DLGAP2: variants seen among roughly 807,000 people sequenced by gnomAD.
DLGAP2 encodes DLG associated protein 2, also known as disks large-associated protein 2.
In DLGAP2, 26 loss-of-function variants were observed where a neutral mutation model predicts 100.3. The ratio of observed to expected loss-of-function variants is 0.26; its 90% CI spans 0.19 to 0.36. The LOEUF is 0.36. DLGAP2 is among the 10% of genes least tolerant of loss of function. The pLI is 1.00. For synonymous variants in DLGAP2, 886 were observed against 630.1 expected (o/e 1.41, Z -6.08); for missense variants, 1,858 against 1,453.2 (o/e 1.28, Z -4.53).
chr8:1,699,565 G>A (rs1799510766), intron 14 of DLGAP2, among the ~76,000 whole-genome samples: 1 of 151,996 alleles, frequency 6.6e-6, no homozygotes, highest in South Asian at 2.1e-4. Flanking sequence ...AGTGAGCCAA[G>A]ATCGTGCCAC....
intron 6 of DLGAP2, among the ~76,000 whole-genome samples, chr8:1,614,019 G>A (rs918511975): frequency 1.3e-5 from 2 of 152,176 alleles, no homozygotes; most frequent in South Asian, 2.1e-4. Context: ...CAGACTCGGC[G>A]GGGTTTTCAG....
In DLGAP2 at chr8:814,691, CA is replaced by C. The variant is rs879636608; in HGVS notation, c.18+76878del. 7.0e-3 allele frequency among the ~76,000 whole-genome samples: 980 copies of C among 140,158 alleles called. 6 individuals are homozygous for C. The highest frequency in any genetic ancestry group is 0.022 in the African/African-American group (831 of 38,458). The allele number at this position is 140,158 out of a possible 152,430, so 91.9% of individuals were successfully genotyped here. A position where few individuals can be genotyped will look rare whatever the true frequency, so the allele number is the denominator to read the frequency against. ...TGAAACCCCGTCTCTACTAAAAATA[CA>C]AAAAAAAAAAATTAGCTGGGCGTGG... On this transcript the variant is annotated intron_variant, in intron 1 of 14. Transcript: ENST00000637795.
chr8:760,130 C>T (rs909445528), intron 1 of DLGAP2, among the ~76,000 whole-genome samples: 2 of 152,166 alleles, frequency 1.3e-5, no homozygotes, highest in Non-Finnish European at 2.9e-5. Flanking sequence ...CTTTCTTGTC[C>T]TTCCTGGAAT....
intron 1 of DLGAP2, among the ~76,000 whole-genome samples, chr8:892,784 GCAA>G (rs1288634050): frequency 6.6e-6 from 1 of 152,196 alleles, no homozygotes; most frequent in Non-Finnish European, 1.5e-5. Flanking sequence ...AGCAGTAGCA[GCAA>G]CATCTCAGGT....
chr8:1,302,841 G>A (rs1197747275), intron 3 of DLGAP2, among the ~76,000 whole-genome samples: 1 of 152,264 alleles, frequency 6.6e-6, no homozygotes, highest in Non-Finnish European at 1.5e-5. Flanking sequence ...GGCGCCGCTG[G>A]AGTCGATTCT....
At chr8:1,515,024 G>C (rs747328551) in intron 4 of DLGAP2, among the ~76,000 whole-genome samples, 1 of 151,508 alleles carries the variant, frequency 6.6e-6, no homozygotes, top group East Asian at 1.9e-4. Flanking sequence ...GAGGGAGACC[G>C]ACGTGCAGGG....
Position 1,543,808 on chromosome 8 carries a change from A to G in DLGAP2, c.173-4818A>G, listed in dbSNP as rs76390115. Among the ~76,000 whole-genome samples, 1,517 of 152,326 alleles carry G rather than the reference A, an allele frequency of 1.0e-2. 27 individuals are homozygous for G. The highest frequency in any genetic ancestry group is 0.035 in the African/African-American group (1,456 of 41,582). On this transcript the variant is annotated intron_variant, in intron 4 of 14. Transcript: ENST00000637795. The stretch of plus-strand genomic sequence containing the variant: ...TAACCATTAAGTCTGCCAATCTATG[A>G]ACATAGGATGTCTTTTCATTTACGT...
chr8:752,296 G>A (rs1820811902), intron 1 of DLGAP2, among the ~76,000 whole-genome samples: 1 of 152,234 alleles, frequency 6.6e-6, no homozygotes, highest in South Asian at 2.1e-4. Context: ...GCTACCACCA[G>A]TGGGCGCAGA....
At chr8:1,629,137 T>C (rs1797583049) in intron 7 of DLGAP2, among the ~76,000 whole-genome samples, 1 of 152,224 alleles carries the variant, frequency 6.6e-6, no homozygotes, top group Admixed American at 6.5e-5. Flanking sequence ...TTTAAATTCC[T>C]CATGAGGTAG....
chr8:1,491,722 C>T (rs761217236), intron 3 of DLGAP2, among the ~76,000 whole-genome samples: 4 of 152,188 alleles, frequency 2.6e-5, no homozygotes, highest in African/African-American at 9.7e-5. Context: ...CAGGCAGATA[C>T]GATTTCCTCT....
chr8:1,125,099 T>C (rs942640396), intron 2 of DLGAP2, among the ~76,000 whole-genome samples: 13 of 152,216 alleles, frequency 8.5e-5, no homozygotes, highest in Non-Finnish European at 1.5e-4. Flanking sequence ...GACCTCTGCC[T>C]TCTCTGGCAG....
At chr8:1,061,397 C>G (rs1227403819) in intron 2 of DLGAP2, among the ~76,000 whole-genome samples, 2 of 152,152 alleles carry the variant, frequency 1.3e-5, no homozygotes, top group Non-Finnish European at 2.9e-5. Context: ...TGAGTCCCAG[C>G]TCATCGGCTC....
chr8:845,760 T>C (rs1347446592), intron 1 of DLGAP2, among the ~76,000 whole-genome samples: 1 of 152,264 alleles, frequency 6.6e-6, no homozygotes, highest in Non-Finnish European at 1.5e-5. Context: ...AGATTTATGC[T>C]GTTTTCTTTT....
At chr8:1,152,343 G>C (rs755398352) in intron 2 of DLGAP2, among the ~76,000 whole-genome samples, 1 of 152,076 alleles carries the variant, frequency 6.6e-6, no homozygotes, top group Non-Finnish European at 1.5e-5. Flanking sequence ...TAAATTTCCC[G>C]CTAGAACTAC....
intron 2 of DLGAP2, among the ~76,000 whole-genome samples, chr8:913,508 C>T (rs1290158900): frequency 2.0e-5 from 3 of 152,178 alleles, no homozygotes; most frequent in East Asian, 1.9e-4. Context: ...AGTGTCACAC[C>T]TCTGTGGCAT....
At position 1,549,085 on chromosome 8, in the gene DLGAP2, A is replaced by C. The variant is rs1338266941; in HGVS notation, c.632A>C (p.Gln211Pro). The C allele has an allele frequency of 1.0e-5, 16 of 1,587,218 alleles. No homozygotes were observed. In the East Asian group the frequency reaches 3.7e-4, roughly 36 times the overall value. The change falls in exon 5 of 15, where the codon CAG (glutamine) becomes CCG (proline). Residue 211 changes from glutamine to proline, a missense_variant. Physicochemically the swap from Gln to Pro is moderately conservative, Grantham distance 76 (BLOSUM62 -1). Transcript: ENST00000637795. Reference protein sequence around the residue: ...PLHRDGFHTLQYQRTSAAAEQ... With the variant: ...PLHRDGFHTLPYQRTSAAAEQ... ...CACCGGGACGGCTTCCACACGCTGC[A>C]GTACCAGAGGACGTCCGCGGCCGCC...
intron 2 of DLGAP2, among the ~76,000 whole-genome samples, chr8:1,212,506 A>G (rs1798125445): frequency 6.6e-6 from 1 of 152,166 alleles, no homozygotes; most frequent in Non-Finnish European, 1.5e-5. Flanking sequence ...ACTGTCCATA[A>G]AGAGATGAGA....
At chr8:875,633 AC>A (rs1195043768) in intron 1 of DLGAP2, among the ~76,000 whole-genome samples, 13 of 152,268 alleles carry the variant, frequency 8.5e-5, no homozygotes, top group African/African-American at 3.1e-4. Context: ...TTTATAAATT[AC>A]CCAGTCGTGA....
At chr8:1,526,902 A>G (rs886299615) in intron 4 of DLGAP2, among the ~76,000 whole-genome samples, 5 of 152,302 alleles carry the variant, frequency 3.3e-5, no homozygotes, top group African/African-American at 1.2e-4. Flanking sequence ...TGGCTTTGCC[A>G]CCTTGGAGAG....
Sources: gnomAD v4.1 joint callset for allele counts (sites outside exome capture counted in the v4.1 genomes callset) on GRCh38, gnomAD v4.1.1 for gene constraint, MANE v1.5 for transcripts, NCBI Gene and HGNC (gene_info 2026-07-23, HGNC 2026-07-21) for gene names.